The following CEP112 variants were observed in gnomAD, a reference collection of about 807,000 sequenced individuals.
CEP112 encodes centrosomal protein 112, also known as centrosomal protein of 112 kDa.
A neutral mutation model predicts 153.0 loss-of-function variants in CEP112; 127 were observed. The ratio of observed to expected loss-of-function variants is 0.83; its 90% confidence interval spans 0.72 to 0.96. The LOEUF (loss-of-function observed/expected upper bound fraction) is 0.96. Ranked by LOEUF, CEP112 falls within the 40% of genes least tolerant of loss-of-function variation. CEP112 has a pLI of 0.00. For synonymous variants in CEP112, 358 were observed against 374.4 expected (o/e 0.96, Z 0.51); for missense variants, 1,089 against 1,101.2 (o/e 0.99, Z 0.16).
At chr17:65,809,852 T>TG (rs141825201) in intron 21 of CEP112, among the ~76,000 whole-genome samples, 5,312 of 145,186 alleles carry the variant, frequency 0.037, 92 homozygotes, top group Middle Eastern at 0.071. Context: ...GTAAAGGAAG[T>TG]GGGGGGGGGA....
At chr17:65,663,842 C>A (rs1015343204) in intron 24 of CEP112, among the ~76,000 whole-genome samples, 1 of 152,042 alleles carries the variant, frequency 6.6e-6, no homozygotes. Context: ...GTCAGGAGAT[C>A]GGGACCATCT....
At chr17:65,665,504 G>A (rs1017964060) in intron 24 of CEP112, among the ~76,000 whole-genome samples, 3 of 152,186 alleles carry the variant, frequency 2.0e-5, no homozygotes, top group African/African-American at 7.2e-5. Context: ...GATACTGCGC[G>A]AGGTTCTGTG....
chr17:65,930,475 T>C (rs749054562), intron 18 of CEP112, among the ~76,000 whole-genome samples: 24 of 152,190 alleles, frequency 1.6e-4, no homozygotes, highest in Non-Finnish European at 1.5e-4. Flanking sequence ...CTCTAGATTA[T>C]AGCATGCTAT....
intron 17 of CEP112, among the ~76,000 whole-genome samples, chr17:65,979,941 C>T (rs1369289637): frequency 3.3e-5 from 5 of 152,118 alleles, no homozygotes; most frequent in South Asian, 2.1e-4. Flanking sequence ...CTAAACTACA[C>T]GATTTCGTCA....
chr17:65,688,592 C>T (rs1325336671), intron 24 of CEP112: 1 of 153,884 alleles, frequency 6.5e-6, no homozygotes, highest in African/African-American at 2.4e-5. Context: ...CTGCTGCAGC[C>T]ATCTTGAAGT....
intron 24 of CEP112, among the ~76,000 whole-genome samples, chr17:65,670,007 G>T (rs892275059): frequency 6.6e-6 from 1 of 151,996 alleles, no homozygotes; most frequent in Non-Finnish European, 1.5e-5. Context: ...GCTCCTTCAG[G>T]AAAAAGACTC....
chr17:65,666,836 C>T (rs2046717918), intron 24 of CEP112, among the ~76,000 whole-genome samples: 1 of 151,858 alleles, frequency 6.6e-6, no homozygotes, highest in African/African-American at 2.4e-5. Context: ...AATTATTATA[C>T]TCTGGCAAGG....
Position 66,175,120 on chromosome 17 carries a change from G to A in CEP112, c.394C>T (p.His132Tyr). ...AGTTTCCATGATTCATTTAATTTGT[G>A]TTCACTTGTCTCCAGCTCACCCAGT... ...WVLGELETSE[H>Y]KLNESWKLSS... The change falls in exon 4 of 27, where the codon CAC becomes TAC. Residue 132 changes from histidine to tyrosine, a missense_variant. Physicochemically the swap from His to Tyr is moderately conservative, Grantham distance 83. Transcript: ENST00000535342. 6.2e-7 allele frequency: 1 copy of A among 1,613,396 alleles called. No individual in the cohort carries two copies. Among genetic ancestry groups the A allele is most frequent in the Non-Finnish European group, 8.5e-7 (1 of 1,179,614 alleles).
intron 23 of CEP112, among the ~76,000 whole-genome samples, chr17:65,736,553 A>G (rs1314610591): frequency 1.3e-5 from 2 of 152,174 alleles, no homozygotes; most frequent in African/African-American, 4.8e-5. Context: ...AGAGAAAACA[A>G]AATAGGCCCT....
chr17:66,149,021 T>C (rs573014590), intron 4 of CEP112, among the ~76,000 whole-genome samples: 1 of 152,312 alleles, frequency 6.6e-6, no homozygotes, highest in South Asian at 2.1e-4. Context: ...CAATTTAAGT[T>C]TCTTCTTATC....
chr17:65,888,836 T>G (rs1419068680), intron 20 of CEP112, among the ~76,000 whole-genome samples: 3 of 152,074 alleles, frequency 2.0e-5, no homozygotes, highest in African/African-American at 7.2e-5. Context: ...CCATGCAGCT[T>G]GTGGTTGGAA....
intron 18 of CEP112, among the ~76,000 whole-genome samples, chr17:65,944,163 A>T (rs1400155916): frequency 6.6e-6 from 1 of 152,206 alleles, no homozygotes; most frequent in African/African-American, 2.4e-5. Flanking sequence ...AACAAAGAGA[A>T]CACATAGACA....
intron 19 of CEP112, chr17:65,913,425 C>T (rs2060358702): frequency 1.3e-5 from 11 of 856,188 alleles, no homozygotes; most frequent in Non-Finnish European, 1.4e-5. Flanking sequence ...CATTTTAGCA[C>T]AGAAAATACT....
chr17:66,170,498 C>T (rs1042489235), intron 4 of CEP112, among the ~76,000 whole-genome samples: 15 of 151,984 alleles, frequency 9.9e-5, no homozygotes, highest in African/African-American at 3.6e-4. Flanking sequence ...GGCATGGTGG[C>T]TCATGCCTGT....
chr17:65,908,928 A>G (rs1017871173), intron 19 of CEP112, among the ~76,000 whole-genome samples: 1 of 152,216 alleles, frequency 6.6e-6, no homozygotes, highest in African/African-American at 2.4e-5. Flanking sequence ...AAAGACCAAG[A>G]TGGAGCCACT....
At chr17:65,907,704 T>C (rs1258129520) in intron 19 of CEP112, among the ~76,000 whole-genome samples, 1 of 152,208 alleles carries the variant, frequency 6.6e-6, no homozygotes, top group Non-Finnish European at 1.5e-5. Context: ...TTGACGATGG[T>C]ATTCATAACT....
At chr17:65,916,446 T>C (rs1649419372) in intron 19 of CEP112, among the ~76,000 whole-genome samples, 1 of 152,126 alleles carries the variant, frequency 6.6e-6, no homozygotes, top group Admixed American at 6.5e-5. Flanking sequence ...AAATAATGAA[T>C]GATTGAGAAG....
intron 16 of CEP112, among the ~76,000 whole-genome samples, chr17:66,012,755 A>T (rs1250133251): frequency 6.6e-6 from 1 of 152,138 alleles, no homozygotes; most frequent in Non-Finnish European, 1.5e-5. Flanking sequence ...GCATTTCCTG[A>T]ATTTAAATGT....
intron 21 of CEP112, among the ~76,000 whole-genome samples, chr17:65,796,688 TG>T (rs2054931447): frequency 6.6e-6 from 1 of 151,762 alleles, no homozygotes; most frequent in South Asian, 2.1e-4. Context: ...AGTCGAATAT[TG>T]TAAAAATGTA....
Sources: gnomAD v4.1 joint callset for allele counts (sites outside exome capture counted in the v4.1 genomes callset) on GRCh38, gnomAD v4.1.1 for gene constraint, MANE v1.5 for transcripts, NCBI Gene and HGNC (gene_info 2026-07-23, HGNC 2026-07-21) for gene names.